The following MEP1A variants were observed in gnomAD, a reference collection of about 807,000 sequenced individuals.
MEP1A encodes meprin A subunit alpha, also known as N-benzoyl-L-tyrosyl-P-amino-benzoic acid hydrolase subunit alpha.
In MEP1A, 68 loss-of-function variants were observed where a neutral mutation model predicts 84.5. The ratio of observed to expected loss-of-function variants is 0.80; its 90% confidence interval spans 0.66 to 0.98. The LOEUF (loss-of-function observed/expected upper bound fraction) is 0.98. Among genes scored for constraint, MEP1A ranks in the 50% least tolerant of loss-of-function variants. The pLI is 0.00. For synonymous variants in MEP1A, 337 were observed against 336.8 expected (o/e 1.00, Z -0.01); for missense variants, 887 against 919.9 (o/e 0.96, Z 0.46).
intron 5 of MEP1A, among the ~76,000 whole-genome samples, chr6:46,807,572 GGA>G (rs1767367896): frequency 1.9e-5 from 1 of 53,568 alleles, no homozygotes; most frequent in Non-Finnish European, 3.7e-5. Flanking sequence ...AAGAAAGGAA[GGA>G]AGGAAGGAAG....
At chr6:46,811,419 A>C (rs1251593642) in intron 6 of MEP1A, among the ~76,000 whole-genome samples, 1 of 152,020 alleles carries the variant, frequency 6.6e-6, no homozygotes, top group Non-Finnish European at 1.5e-5. Context: ...ATCAGCAAAC[A>C]GTGATAATTT....
chr6:46,835,662 C>T, intron 13 of MEP1A, 113 bp downstream of exon 13: 1 of 1,125,576 alleles, frequency 8.9e-7, no homozygotes, highest in South Asian at 1.4e-5. Flanking sequence ...CTCAGATGGT[C>T]AACTGAATGC....
chr6:46,809,569 T>C, intron 6 of MEP1A, 32 bp downstream of exon 6: 1 of 1,418,178 alleles, frequency 7.1e-7, no homozygotes, highest in Non-Finnish European at 9.9e-7. Flanking sequence ...GTGAAAATCA[T>C]GCATACTTTG....
Position 46,819,634 on chromosome 6 carries a change from A to G in MEP1A, c.486A>G (p.Gly162=), listed in dbSNP as rs1581678021. 1 of 1,613,950 alleles carries G rather than the reference A, an allele frequency of 6.2e-7. No homozygotes were observed. Among genetic ancestry groups the G allele is most frequent in the Non-Finnish European group, 8.5e-7 (1 of 1,179,968 alleles). ...IIEHEILHAL[G]FYHEQSRTDR... is the part of the protein sequence containing the mutation. ...AACACGAGATCCTGCATGCTTTGGG[A>G]TTTTACCACGAGCAGTCAAGGACGG... is the stretch of plus-strand genomic sequence containing the variant. The change falls in exon 7 of 14, where the codon GGA becomes GGG. Residue 162 remains glycine, a synonymous_variant. Coordinates refer to ENST00000230588, the MANE Select transcript of MEP1A (RefSeq NM_005588.3).
intron 3 of MEP1A, among the ~76,000 whole-genome samples, chr6:46,795,685 G>T (rs998177919): frequency 4.6e-5 from 7 of 152,116 alleles, no homozygotes; most frequent in African/African-American, 1.7e-4. Context: ...TGTCTGGGCT[G>T]GTCCTTTGAC....
chr6:46,820,746 A>G (rs951148961), intron 7 of MEP1A, among the ~76,000 whole-genome samples: 15 of 152,114 alleles, frequency 9.9e-5, no homozygotes. Flanking sequence ...AGTACACTAA[A>G]ACATTTATTG....
the MEP1A span, among the ~76,000 whole-genome samples, chr6:46,845,745 A>G: frequency 6.6e-6 from 1 of 152,184 alleles, no homozygotes; most frequent in Non-Finnish European, 1.5e-5. Flanking sequence ...AAGAGCCAGA[A>G]CTCTGAGAAC....
intron 3 of MEP1A, among the ~76,000 whole-genome samples, chr6:46,797,820 TTCTTTCTTTCTTTCTTTCTC>T (rs1369187759): frequency 7.4e-5 from 7 of 94,162 alleles, no homozygotes; most frequent in Non-Finnish European, 1.3e-4. Flanking sequence ...CTTTCTTTCT[TTCTTTCTTTCTTTCTTTCTC>T]TCTCTCTTTC....
chr6:46,807,818 A>AGAAAGAAAGAAAGAAAGAAAGAAG (rs1767396132), intron 5 of MEP1A, among the ~76,000 whole-genome samples: 1 of 150,994 alleles, frequency 6.6e-6, no homozygotes, highest in African/African-American at 2.4e-5. Context: ...AAAGAAAGAA[A>AGAAAGAAAGAAAGAAAGAAAGAAG]GAAAGAAAGA....
At chr6:46,834,931 G>A (rs769859413) in intron 12 of MEP1A, among the ~76,000 whole-genome samples, 180 bp downstream of exon 12, 13 of 152,160 alleles carry the variant, frequency 8.5e-5, no homozygotes, top group Admixed American at 2.6e-4. Flanking sequence ...GTCCTTGAAA[G>A]AAACTGAAAT....
In MEP1A at chr6:46,833,500, G is replaced by A. The variant is rs373934080; in HGVS notation, c.1571G>A (p.Ser524Asn). Reference sequence around the variant, plus strand: ...GATGTCCGGAACAGGATGTCCTCAAGCATGGTGTTCACTACCTCGAAGTCG... The same window carrying A: ...GATGTCCGGAACAGGATGTCCTCAAACATGGTGTTCACTACCTCGAAGTCG... ...EPDVRNRMSS[S>N]MVFTTSKSHT... The change falls in exon 11 of 14, where the codon AGC becomes AAC. Residue 524 changes from serine (S) to asparagine (N), a missense_variant. Physicochemically the swap from Ser to Asn is conservative, Grantham distance 46. Coordinates refer to ENST00000230588, the MANE Select transcript of MEP1A (RefSeq NM_005588.3). 1 of 1,614,126 alleles carries A rather than the reference G, an allele frequency of 6.2e-7. No homozygotes were observed. Among genetic ancestry groups the A allele is most frequent in the Non-Finnish European group, 8.5e-7 (1 of 1,180,014 alleles).
intron 7 of MEP1A, among the ~76,000 whole-genome samples, chr6:46,824,089 G>C (rs1477579019): frequency 6.6e-6 from 1 of 152,062 alleles, no homozygotes; most frequent in Non-Finnish European, 1.5e-5. Flanking sequence ...AGTAGGCCAG[G>C]TACAGCTCTG....
In MEP1A at chr6:46,798,694, C is replaced by T. The variant is rs747039762; in HGVS notation, c.186+48C>T. The T allele has an allele frequency of 1.1e-5, 16 of 1,517,750 alleles. No individual in the cohort carries two copies. In the South Asian group the frequency reaches 1.6e-4, roughly 15 times the overall value. 94.0% of individuals were successfully genotyped at this position (1,517,750 alleles called of 1,614,324 possible). A position where few individuals can be genotyped will look rare whatever the true frequency, so the allele number is the denominator to read the frequency against. On this transcript the variant is annotated intron_variant, in intron 4 of 13. Transcript: ENST00000230588. ...ATAAGTTTCTCAGGACAGGCAGTAC[C>T]ACTGGGTGTGAGTCTCTGCTCTGCG...
At chr6:46,807,060 G>C (rs1481082580) in intron 5 of MEP1A, among the ~76,000 whole-genome samples, 1 of 151,636 alleles carries the variant, frequency 6.6e-6, no homozygotes, top group Non-Finnish European at 1.5e-5. Flanking sequence ...TGACAATTTT[G>C]AGCACCAGAA....
intron 3 of MEP1A, among the ~76,000 whole-genome samples, chr6:46,796,965 G>A (rs541681246): frequency 1.3e-5 from 2 of 152,232 alleles, no homozygotes; most frequent in African/African-American, 4.8e-5. Context: ...TGTCATTACT[G>A]TTTGTGGTTA....
intron 11 of MEP1A, among the ~76,000 whole-genome samples, chr6:46,834,016 G>A (rs1055467734): frequency 1.1e-4 from 16 of 145,920 alleles, no homozygotes; most frequent in African/African-American, 2.3e-4. Context: ...TCCCTCTGTC[G>A]CCCAGGCTGC....
At chr6:46,830,295 T>G (rs1311840594) in intron 10 of MEP1A, among the ~76,000 whole-genome samples, 2 of 147,276 alleles carry the variant, frequency 1.4e-5, no homozygotes, top group Non-Finnish European at 3.0e-5. Flanking sequence ...ACCAAAGTGT[T>G]TTGCATCTGT....
rs1245883708 is a variant in MEP1A at position 46,798,901 on chromosome 6, C to G, written c.187-205C>G. Among the ~76,000 whole-genome samples the G allele has an allele frequency of 2.0e-5, 3 of 152,194 alleles. 1 individual carries two copies. The highest frequency in any genetic ancestry group is 4.4e-5 in the Non-Finnish European group (3 of 68,034). On this transcript the variant is annotated intron_variant, in intron 4 of 13. Transcript: ENST00000230588. ...CAGTTTTCTTGGGATTGCAGGCCCC[C>G]TTTATTTTGTTCTTAATAATTTCTC... is the stretch of plus-strand genomic sequence containing the variant.
intron 2 of MEP1A, 35 bp downstream of exon 2, chr6:46,793,611 T>C: frequency 1.9e-6 from 3 of 1,574,632 alleles, no homozygotes; most frequent in Middle Eastern, 1.7e-4. Flanking sequence ...AGAGTGTTTT[T>C]GAACTTTTTT....
Sources: gnomAD v4.1 joint callset for allele counts (sites outside exome capture counted in the v4.1 genomes callset) on GRCh38, gnomAD v4.1.1 for gene constraint, MANE v1.5 for transcripts, NCBI Gene and HGNC (gene_info 2026-07-23, HGNC 2026-07-21) for gene names.